The following RGS20 variants were observed in gnomAD, a reference collection of about 807,000 sequenced individuals.
The protein encoded by RGS20 is gz-selective GTPase-activating protein.
Under a neutral mutation model 33.6 loss-of-function variants are expected in RGS20, and 30 were observed. The ratio of observed to expected loss-of-function variants is 0.89; its 90% CI spans 0.67 to 1.21. RGS20 has a LOEUF of 1.21. Ranked by LOEUF, RGS20 falls within the 50% of genes most tolerant of loss-of-function variation. The pLI, the probability that RGS20 is intolerant of heterozygous loss-of-function variation, is 0.00. For synonymous variants in RGS20, 208 were observed against 197.9 expected (o/e 1.05, Z -0.43); for missense variants, 472 against 502.4 (o/e 0.94, Z 0.58).
intron 2 of RGS20, among the ~76,000 whole-genome samples, chr8:53,904,971 A>G (rs78463762): frequency 0.011 from 1,626 of 152,336 alleles, 25 homozygotes; most frequent in African/African-American, 0.037. Flanking sequence ...CACTCTTATT[A>G]TAGTCTTAAA....
rs1178436696 is a variant in RGS20, at chr8:53,909,209, GTATATATATATATA to G, written c.510+29640_510+29653del. ...CTCTATTATCCATTATGGTATGTGT[GTATATATATATATA>G]TATATATATATATATATATATATAT... is the stretch of plus-strand genomic sequence containing the variant. On this transcript the variant is annotated intron_variant, in intron 2 of 5. Coordinates refer to ENST00000297313, the MANE Select transcript of RGS20 (RefSeq NM_170587.4). Among the ~76,000 whole-genome samples the G allele has an allele frequency of 3.0e-3, 131 of 43,736 alleles. 2 individuals are homozygous for G. The highest frequency in any genetic ancestry group is 0.02 in the East Asian group (25 of 1,220). The allele number at this position is 43,736 out of a possible 152,430, so 28.7% of individuals were successfully genotyped here.
Position 53,952,588 on chromosome 8 carries a change from T to C in RGS20, c.744-1488T>C, listed in dbSNP as rs1814742559. On this transcript the variant is annotated intron_variant, in intron 4 of 5. Transcript: ENST00000297313. ...AAAAATACAAAAAATTACCCGGGTG[T>C]GGTGGTAAGCACCTGTAATCCCAAC... is the stretch of plus-strand genomic sequence containing the variant. 2.6e-5 allele frequency among the ~76,000 whole-genome samples: 4 copies of C among 151,210 alleles called. No homozygotes were observed. In the South Asian group the frequency reaches 8.4e-4, roughly 32 times the overall value.
chr8:53,948,176 A>G (rs1261897893), intron 4 of RGS20, among the ~76,000 whole-genome samples: 1 of 134,684 alleles, frequency 7.4e-6, no homozygotes, highest in Non-Finnish European at 1.5e-5. Flanking sequence ...TGCTATATAT[A>G]TGATATAGTA....
chr8:53,871,640 A>AATC (rs1222334500), intron 1 of RGS20, among the ~76,000 whole-genome samples: 1 of 147,220 alleles, frequency 6.8e-6, no homozygotes, highest in Non-Finnish European at 1.5e-5. Flanking sequence ...TAATAATAAT[A>AATC]ATTACAACAG....
chr8:53,917,248 A>G (rs1390364830), intron 2 of RGS20, among the ~76,000 whole-genome samples: 1 of 152,128 alleles, frequency 6.6e-6, no homozygotes, highest in African/African-American at 2.4e-5. Context: ...CCCAGGTTCA[A>G]GTGATTCTCC....
intron 2 of RGS20, among the ~76,000 whole-genome samples, chr8:53,902,043 G>A (rs1278212677): frequency 3.3e-5 from 5 of 151,586 alleles, no homozygotes; most frequent in South Asian, 4.2e-4. Context: ...TTTGAGTCAG[G>A]GTCTCGCTCT....
intron 2 of RGS20, among the ~76,000 whole-genome samples, chr8:53,934,689 T>C (rs1194445738): frequency 6.6e-6 from 1 of 152,146 alleles, no homozygotes; most frequent in African/African-American, 2.4e-5. Flanking sequence ...CTGTCAATAT[T>C]AGACAGATTA....
intron 5 of RGS20, among the ~76,000 whole-genome samples, chr8:53,954,741 G>A (rs548442474): frequency 2.1e-5 from 3 of 146,120 alleles, no homozygotes; most frequent in Non-Finnish European, 3.0e-5. Context: ...AGGCTGGAGT[G>A]CAATGGTGCA....
Position 53,877,173 on chromosome 8 carries a change from G to A in RGS20, c.166-2085G>A, listed in dbSNP as rs762595069. On this transcript the variant is annotated intron_variant, in intron 1 of 5. Coordinates refer to ENST00000297313, the MANE Select transcript of RGS20 (RefSeq NM_170587.4). The surrounding 1 kb of genome is among the most constrained non-coding windows in gnomAD (Gnocchi z 5.7). ...TGGGCGCTCTCTTTCAGCATTTTCG[G>A]CTTTTTTCAAGCCCTTGCGTAGGGT... Among the ~76,000 whole-genome samples, 11 of 152,200 alleles carry A rather than the reference G, an allele frequency of 7.2e-5. No individual in the cohort carries two copies. Among genetic ancestry groups the A allele is most frequent in the Non-Finnish European group, 1.5e-4 (10 of 68,038 alleles).
intron 1 of RGS20, among the ~76,000 whole-genome samples, chr8:53,863,524 T>C (rs1341250642): frequency 6.6e-6 from 1 of 152,150 alleles, no homozygotes; most frequent in Non-Finnish European, 1.5e-5. Flanking sequence ...TGAGGCTCAG[T>C]TGTAACTAAC....
chr8:53,883,674 G>A (rs1308031916), intron 2 of RGS20, among the ~76,000 whole-genome samples: 1 of 152,128 alleles, frequency 6.6e-6, no homozygotes, highest in Non-Finnish European at 1.5e-5. Context: ...GCAGAGCACG[G>A]TGGCTCACTC....
At chr8:53,878,213 C>T (rs1408034491) in intron 1 of RGS20, among the ~76,000 whole-genome samples, 1 of 152,098 alleles carries the variant, frequency 6.6e-6, no homozygotes, top group African/African-American at 2.4e-5. Context: ...AGCTACATTC[C>T]GGTTTGTAAC....
chr8:53,907,589 A>G (rs1813219034), intron 2 of RGS20, among the ~76,000 whole-genome samples: 1 of 150,352 alleles, frequency 6.7e-6, no homozygotes, highest in Non-Finnish European at 1.5e-5. Context: ...CATCTCAGGA[A>G]AAAAAAAAAG....
chr8:53,941,157 G>C (rs1419534363), intron 3 of RGS20, among the ~76,000 whole-genome samples: 1 of 152,182 alleles, frequency 6.6e-6, no homozygotes, highest in Admixed American at 6.5e-5. Context: ...AGGTCCCAGA[G>C]CAGGCTCCTC....
chr8:53,900,041 G>A (rs964172721), intron 2 of RGS20, among the ~76,000 whole-genome samples: 6 of 152,130 alleles, frequency 3.9e-5, no homozygotes, highest in African/African-American at 9.7e-5. Flanking sequence ...GTCCTTGAAG[G>A]CATTCTGGGT....
At chr8:53,915,818 T>TGAACTCCTGGCCTC (rs1305919810) in intron 2 of RGS20, among the ~76,000 whole-genome samples, 1 of 152,182 alleles carries the variant, frequency 6.6e-6, no homozygotes, top group African/African-American at 2.4e-5. Flanking sequence ...AGGCTGGTCT[T>TGAACTCCTGGCCTC]GAACTCCTGG....
chr8:53,873,030 G>A (rs764495392), intron 1 of RGS20, among the ~76,000 whole-genome samples: 1 of 152,066 alleles, frequency 6.6e-6, no homozygotes, highest in Non-Finnish European at 1.5e-5. Context: ...ATTGAGTCAC[G>A]AGGGCAAATC....
intron 2 of RGS20, among the ~76,000 whole-genome samples, chr8:53,891,390 G>T (rs564100903): frequency 6.6e-6 from 1 of 152,282 alleles, no homozygotes; most frequent in African/African-American, 2.4e-5. Context: ...AGGCCAAGGT[G>T]GGTGGATCAC....
At chr8:53,932,439 G>C (rs1813999121) in intron 2 of RGS20, among the ~76,000 whole-genome samples, 1 of 152,136 alleles carries the variant, frequency 6.6e-6, no homozygotes, top group African/African-American at 2.4e-5. Flanking sequence ...AGCTTGATAG[G>C]GGGAGGGGCG....
Sources: allele counts gnomAD v4.1 joint callset (sites outside exome capture counted in the v4.1 genomes callset), GRCh38; gene constraint gnomAD v4.1.1; non-coding constraint Gnocchi (gnomAD v3.1); transcripts MANE v1.5; gene names NCBI Gene and HGNC (gene_info 2026-07-23, HGNC 2026-07-21).